The following MTMR10 variants were observed in gnomAD, a reference collection of about 807,000 sequenced individuals.
MTMR10 encodes myotubularin-related protein 10.
A neutral mutation model predicts 88.1 loss-of-function variants in MTMR10; 56 were observed. That is an observed-to-expected ratio of 0.64 (90% CI 0.51 to 0.79). The LOEUF is 0.79. Ranked by LOEUF, MTMR10 falls within the 30% of genes least tolerant of loss-of-function variation. MTMR10 has a pLI of 0.00. For missense variants in MTMR10, 883 were observed against 924.7 expected (o/e 0.95, Z 0.58); for synonymous variants, 380 against 340.9 (o/e 1.11, Z -1.26).
At chr15:30,980,377 A>C (rs1414880508) in intron 2 of MTMR10, among the ~76,000 whole-genome samples, 2 of 152,242 alleles carry the variant, frequency 1.3e-5, no homozygotes, top group African/African-American at 2.4e-5. Context: ...TCCATCAACA[A>C]AAAGCAAAAG....
At chr15:30,957,242 T>C (rs903555079) in intron 9 of MTMR10, among the ~76,000 whole-genome samples, 3 of 152,182 alleles carry the variant, frequency 2.0e-5, no homozygotes, top group African/African-American at 7.2e-5. Flanking sequence ...AAAACAGACA[T>C]AGTCCCTCAT....
At position 30,955,646 on chromosome 15, in the gene MTMR10, A is replaced by G. The variant is rs553207745; in HGVS notation, c.936-753T>C. On this transcript the variant is annotated intron_variant, in intron 9 of 15. Transcript: ENST00000435680. Reference sequence around the variant, plus strand: ...TGCCTGGGAAACAGAAACACTGCCAAGGGGGGGGCGGGGCAGCACTGCATT... The same window carrying G: ...TGCCTGGGAAACAGAAACACTGCCAGGGGGGGGGCGGGGCAGCACTGCATT... 1.2e-4 allele frequency among the ~76,000 whole-genome samples: 18 copies of G among 151,592 alleles called. 1 individual carries two copies. The highest frequency in any genetic ancestry group is 5.3e-4 in the Admixed American group (8 of 15,206).
the MTMR10 span, chr15:30,927,728 GCCT>G: frequency 1.0e-5 from 10 of 985,598 alleles, no homozygotes; most frequent in African/African-American, 7.0e-5. Context: ...CATCCATGTG[GCCT>G]CCTCCTCTGT....
At chr15:30,991,377 C>T (rs754687017) in intron 1 of MTMR10, 70 bp downstream of exon 1, 1 of 1,368,224 alleles carries the variant, frequency 7.3e-7, no homozygotes, top group Non-Finnish European at 9.6e-7. Context: ...CTCCAGTTCC[C>T]GGGGGTCGGC....
chr15:30,982,625 G>A (rs2030656717), intron 2 of MTMR10, among the ~76,000 whole-genome samples: 1 of 152,202 alleles, frequency 6.6e-6, no homozygotes, highest in Non-Finnish European at 1.5e-5. Flanking sequence ...GAGGGATACA[G>A]GGGAAGAAGA....
At chr15:30,946,353 C>A in intron 14 of MTMR10, 1 of 192,552 alleles carries the variant, frequency 5.2e-6, no homozygotes, top group Non-Finnish European at 1.1e-5. Flanking sequence ...TTGACAGATC[C>A]ATTTTACAGG....
chr15:30,926,740 C>T, the MTMR10 span: 20 of 985,244 alleles, frequency 2.0e-5, no homozygotes, highest in Admixed American at 1.8e-4. Context: ...ACTGGACACT[C>T]GCTGGAGGAG....
chr15:30,951,451 G>T (rs1244179752), intron 12 of MTMR10, among the ~76,000 whole-genome samples: 1 of 152,096 alleles, frequency 6.6e-6, no homozygotes, highest in Non-Finnish European at 1.5e-5. Context: ...TTTAATAAAG[G>T]GTAAAAACTG....
At chr15:30,953,209 C>T (rs941603466) in intron 11 of MTMR10, among the ~76,000 whole-genome samples, 2 of 152,116 alleles carry the variant, frequency 1.3e-5, no homozygotes, top group African/African-American at 4.8e-5. Context: ...ACACAGATGG[C>T]GATGAGGGTG....
Position 30,941,961 on chromosome 15 carries a change from C to G in MTMR10, c.1843G>C (p.Asp615His). The G allele has an allele frequency of 1.9e-6, 3 of 1,613,988 alleles. No homozygotes were observed. Among genetic ancestry groups the G allele is most frequent in the East Asian group, 2.2e-5 (1 of 44,886 alleles). Reference protein sequence around the residue: ...RNSLILKPKPDPAQQTDSQNS... With the variant: ...RNSLILKPKPHPAQQTDSQNS... ...TGGCTGTCGGTTTGCTGAGCTGGAT[C>G]TGGCTTTGGTTTTAATATCAATGAA... is the stretch of plus-strand genomic sequence containing the variant. The change falls in exon 16 of 16, where the codon GAT becomes CAT. Residue 615 changes from aspartate to histidine, a missense_variant. Physicochemically the swap from Asp to His is moderately conservative, Grantham distance 81. Around this residue, in one of 3 missense-constraint regions of MTMR10, gnomAD observed 343 missense variants for 323.2 expected, o/e 1.06. Coordinates refer to ENST00000435680, the MANE Select transcript of MTMR10 (RefSeq NM_017762.3).
chr15:30,988,858 T>C (rs1179827747), intron 2 of MTMR10, among the ~76,000 whole-genome samples: 1 of 151,646 alleles, frequency 6.6e-6, no homozygotes, highest in Non-Finnish European at 1.5e-5. Context: ...GGTGTGGTGG[T>C]GGGCTCCTGT....
At chr15:30,973,851 T>C (rs1428634929) in intron 5 of MTMR10, among the ~76,000 whole-genome samples, 1 of 152,204 alleles carries the variant, frequency 6.6e-6, no homozygotes, top group Non-Finnish European at 1.5e-5. Context: ...CAATTCATAA[T>C]ATTTCTTTAA....
intron 6 of MTMR10, among the ~76,000 whole-genome samples, chr15:30,965,025 G>C (rs2063456631): frequency 1.3e-5 from 2 of 152,228 alleles, no homozygotes; most frequent in African/African-American, 2.4e-5. Flanking sequence ...GTATTAATCA[G>C]TTCAAAAGCA....
chr15:30,961,018 ACCTCCTCCT>A lies in MTMR10; in HGVS notation c.612_620del (p.Gly205_Gly207del), dbSNP rs754775618. ...GGCTGCTGCCACCACCAGCTCCATTACCTCCTCCTCCTCCTCCTCCTCCATCTCCTGAGG... is the reference window on the plus strand; with the variant it reads ...GGCTGCTGCCACCACCAGCTCCATTACCTCCTCCTCCTCCATCTCCTGAGG... On this transcript the variant is annotated inframe_deletion, in exon 7 of 16. Transcript: ENST00000435680. 24 of 1,564,082 alleles carry A rather than the reference ACCTCCTCCT, an allele frequency of 1.5e-5. No individual in the cohort carries two copies. In the African/African-American group the frequency reaches 1.9e-4, roughly 12 times the overall value.
At position 30,959,171 on chromosome 15, in the gene MTMR10, A is replaced by G. The variant is rs759138708; in HGVS notation, c.759-50T>C. The G allele has an allele frequency of 8.2e-6, 12 of 1,460,448 alleles. No homozygotes were observed. The African/African-American group carries it at 1.7e-4, about 21-fold the overall frequency. 90.5% of individuals were successfully genotyped at this position (1,460,448 alleles called of 1,614,324 possible). ...TGAGTGCTGTGCTAAAAGCAGGAAT[A>G]GTGTGCTCCTGCAGACCCTATAAAT... On this transcript the variant is annotated intron_variant, in intron 7 of 15. Transcript: ENST00000435680.
At chr15:30,956,352 T>C (rs2063327584) in intron 9 of MTMR10, 1 of 152,018 alleles carries the variant, frequency 6.6e-6, no homozygotes, top group Non-Finnish European at 1.5e-5. Context: ...CCCAAGCAAG[T>C]GGGGGGTTGA....
chr15:30,941,212 C>T lies in MTMR10; in HGVS notation c.*258G>A, dbSNP rs1044291547. 1.4e-6 allele frequency: 2 copies of T among 1,382,002 alleles called. No individual in the cohort carries two copies. The highest frequency in any genetic ancestry group is 1.9e-6 in the Non-Finnish European group (2 of 1,050,156). The allele number at this position is 1,382,002 out of a possible 1,614,324, so 85.6% of individuals were successfully genotyped here. On this transcript the variant is annotated 3_prime_UTR_variant, in exon 16 of 16. Transcript: ENST00000435680. ...AAAATGGATGGAGACAAAAATGTAG[C>T]AGACAACATGAACAGTTTGATCACG...
chr15:30,977,471 G>A (rs921342027), intron 2 of MTMR10, among the ~76,000 whole-genome samples: 2 of 152,134 alleles, frequency 1.3e-5, no homozygotes, highest in Non-Finnish European at 2.9e-5. Context: ...AACTTAGTAG[G>A]CAACAAAACC....
At chr15:30,972,913 T>C (rs553577893) in intron 5 of MTMR10, among the ~76,000 whole-genome samples, 3 of 152,302 alleles carry the variant, frequency 2.0e-5, no homozygotes, top group African/African-American at 4.8e-5. Flanking sequence ...ATCCGGTCAA[T>C]TGCATCAATT....
Sources: allele counts gnomAD v4.1 joint callset (sites outside exome capture counted in the v4.1 genomes callset), GRCh38; gene constraint gnomAD v4.1.1; regional missense constraint gnomAD v4.1.1; transcripts MANE v1.5; gene names NCBI Gene and HGNC (gene_info 2026-07-23, HGNC 2026-07-21).